Variants in SEMA3A observed in about 807,000 individuals in gnomAD.
The protein encoded by SEMA3A is semaphorin-3A.
A neutral mutation model predicts 97.9 loss-of-function variants in SEMA3A; 29 were observed. That is an observed-to-expected ratio of 0.30 (90% CI 0.22 to 0.40). The LOEUF (loss-of-function observed/expected upper bound fraction) is 0.40, where lower values mean the gene tolerates loss of function less well. SEMA3A is among the 10% of genes least tolerant of loss of function. SEMA3A has a pLI of 1.00. For missense variants in SEMA3A, 763 were observed against 951.3 expected (o/e 0.80, Z 2.60); for synonymous variants, 321 against 323.7 (o/e 0.99, Z 0.09).
intron 2 of SEMA3A, among the ~76,000 whole-genome samples, chr7:84,132,662 G>GTTT (rs55830654): frequency 0.012 from 998 of 86,626 alleles, 63 homozygotes; most frequent in Non-Finnish European, 0.015. Flanking sequence ...TCGACTTGGT[G>GTTT]TTTTTTTTTT....
chr7:84,172,127 T>C (rs1244625780), intron 1 of SEMA3A, among the ~76,000 whole-genome samples: 3 of 152,212 alleles, frequency 2.0e-5, no homozygotes, highest in Non-Finnish European at 4.4e-5. Context: ...TAGTATTAAA[T>C]AGACCTTCGC....
Position 84,076,485 on chromosome 7 carries a change from C to T in SEMA3A, c.454-15927G>A, listed in dbSNP as rs114477968. Among the ~76,000 whole-genome samples the T allele has an allele frequency of 2.0e-3, 303 of 152,162 alleles. 1 individual carries two copies. Among genetic ancestry groups the T allele is most frequent in the African/African-American group, 6.8e-3 (283 of 41,530 alleles). On this transcript the variant is annotated intron_variant, in intron 4 of 16. Coordinates refer to ENST00000265362, the MANE Select transcript of SEMA3A (RefSeq NM_006080.3). ...TTTGTACTTGATTTACTCAACTATG[C>T]TACTTTATTGATACACTTCAGACAT...
At chr7:84,062,837 G>A (rs9690948) in intron 4 of SEMA3A, among the ~76,000 whole-genome samples, 50,576 of 149,060 alleles carry the variant, frequency 0.34, 10,175 homozygotes, top group African/African-American at 0.58. Context: ...GCAGCGAGGC[G>A]GGGGGAGGGG....
intron 3 of SEMA3A, among the ~76,000 whole-genome samples, chr7:84,243,618 T>C (rs1799416787): frequency 6.6e-6 from 1 of 152,232 alleles, no homozygotes; most frequent in East Asian, 1.9e-4. Flanking sequence ...CATTGATTTT[T>C]TTTGTGAAGG....
intron 4 of SEMA3A, among the ~76,000 whole-genome samples, chr7:84,100,344 G>A (rs776991283): frequency 2.8e-4 from 42 of 151,742 alleles, no homozygotes; most frequent in Non-Finnish European, 5.3e-4. Context: ...GTGCTGGAAT[G>A]TCCTTTTAAA....
rs7800625 is a variant in SEMA3A at position 84,345,582 on chromosome 7, A to G, written c.-169+26242T>C. Among the ~76,000 whole-genome samples, 455 of 152,312 alleles carry G rather than the reference A, an allele frequency of 3.0e-3. 2 individuals carry two copies. The highest frequency in any genetic ancestry group is 0.01 in the African/African-American group (423 of 41,566). ...TTCTAAATCCTTTGTCATTTTTACA[A>G]TGATCACAGCATTGTCACCAGGAGT... On this transcript the variant is annotated intron_variant, in intron 2 of 3. Transcript: ENST00000424555.
intron 2 of SEMA3A, among the ~76,000 whole-genome samples, chr7:84,321,278 G>A (rs971535414): frequency 6.6e-6 from 1 of 152,038 alleles, no homozygotes; most frequent in Non-Finnish European, 1.5e-5. Flanking sequence ...CATGAAAATT[G>A]CTCTTTATTG....
At chr7:84,447,446 C>G (rs1805446043) in intron 1 of SEMA3A, among the ~76,000 whole-genome samples, 1 of 152,144 alleles carries the variant, frequency 6.6e-6, no homozygotes, top group Admixed American at 6.5e-5. Context: ...TGTGCTTTTT[C>G]CTGGCCTTGC....
chr7:84,145,759 A>T (rs893332092), intron 1 of SEMA3A, among the ~76,000 whole-genome samples: 1 of 152,142 alleles, frequency 6.6e-6, no homozygotes, highest in Non-Finnish European at 1.5e-5. Flanking sequence ...TGTTCTTTAT[A>T]TTTAATTTCT....
rs550080572 is a variant in SEMA3A, at chr7:83,967,000, C to T, written c.1718-3653G>A. Among the ~76,000 whole-genome samples, 6 of 152,276 alleles carry T rather than the reference C, an allele frequency of 3.9e-5. 1 individual carries two copies. The Middle Eastern group carries it at 0.01, about 259-fold the overall frequency. On this transcript the variant is annotated intron_variant, in intron 15 of 16. Coordinates refer to ENST00000265362, the MANE Select transcript of SEMA3A (RefSeq NM_006080.3). ...TGCTGGGATTACAGGCATGAGCCAC[C>T]GCGCCCGGCCAAAAGTAAATTTTTA... is the stretch of plus-strand genomic sequence containing the variant.
intron 1 of SEMA3A, among the ~76,000 whole-genome samples, chr7:84,470,913 G>A (rs1584348024): frequency 6.6e-6 from 1 of 151,712 alleles, no homozygotes; most frequent in African/African-American, 2.4e-5. Flanking sequence ...TGGGTCAGAG[G>A]GAAAAATAGA....
intron 3 of SEMA3A, among the ~76,000 whole-genome samples, chr7:84,123,226 C>T (rs965315327): frequency 2.6e-5 from 4 of 152,092 alleles, no homozygotes; most frequent in African/African-American, 9.7e-5. Context: ...AGAAATGTTA[C>T]TGTGTATAAC....
intron 2 of SEMA3A, among the ~76,000 whole-genome samples, chr7:84,355,195 C>G (rs1022523130): frequency 6.6e-6 from 1 of 151,840 alleles, no homozygotes; most frequent in Admixed American, 6.6e-5. Context: ...CTTTTGAAAT[C>G]CTGAGCTCTG....
At position 84,110,672 on chromosome 7, in the gene SEMA3A, G is replaced by A. The variant is rs1795253163; in HGVS notation, c.334-83C>T. On this transcript the variant is annotated intron_variant, in intron 3 of 16. Coordinates refer to ENST00000265362, the MANE Select transcript of SEMA3A (RefSeq NM_006080.3). ...CTAGGGTGCTAGGCATGCTGGAACAGATTTGTCTTTTGTTTTCTTTCTTTT... is the reference window on the plus strand; with the variant it reads ...CTAGGGTGCTAGGCATGCTGGAACAAATTTGTCTTTTGTTTTCTTTCTTTT... 6 of 1,426,984 alleles carry A rather than the reference G, an allele frequency of 4.2e-6. No individual in the cohort carries two copies. The South Asian group carries it at 7.3e-5, about 17-fold the overall frequency. 88.4% of individuals were successfully genotyped at this position (1,426,984 alleles called of 1,614,324 possible).
At chr7:84,253,839 C>T (rs1799661023) in intron 3 of SEMA3A, among the ~76,000 whole-genome samples, 1 of 152,272 alleles carries the variant, frequency 6.6e-6, no homozygotes, top group African/African-American at 2.4e-5. Flanking sequence ...GAATGTGTAC[C>T]ATTACCAACT....
intron 3 of SEMA3A, among the ~76,000 whole-genome samples, chr7:84,295,582 C>T (rs1216806439): frequency 5.3e-5 from 8 of 151,898 alleles, no homozygotes; most frequent in Admixed American, 1.3e-4. Flanking sequence ...TCAATTCTTT[C>T]GTCCTTATAC....
At chr7:84,041,614 A>C (rs1188987986) in intron 6 of SEMA3A, among the ~76,000 whole-genome samples, 1 of 152,126 alleles carries the variant, frequency 6.6e-6, no homozygotes, top group Non-Finnish European at 1.5e-5. Context: ...ATTGCTAGCT[A>C]ATGCATACAC....
chr7:84,359,936 G>A lies in SEMA3A; in HGVS notation c.-169+11888C>T, dbSNP rs578148482. Among the ~76,000 whole-genome samples the A allele has an allele frequency of 2.0e-5, 3 of 150,928 alleles. No individual in the cohort carries two copies. In the South Asian group the frequency reaches 6.3e-4, roughly 32 times the overall value. ...CTAGTTTATTTGCGTAGAGGTGTTT[G>A]TAGTATTCTCTGATGGTAGTTTGTA... On this transcript the variant is annotated intron_variant, in intron 2 of 3. Transcript: ENST00000424555.
At chr7:84,385,817 A>G (rs954345651) in intron 1 of SEMA3A, among the ~76,000 whole-genome samples, 1 of 152,214 alleles carries the variant, frequency 6.6e-6, no homozygotes, top group African/African-American at 2.4e-5. Context: ...TTTTAGGACT[A>G]TAAAACAATT....
Sources: gnomAD v4.1 joint callset for allele counts (sites outside exome capture counted in the v4.1 genomes callset) on GRCh38, gnomAD v4.1.1 for gene constraint, MANE v1.5 for transcripts, NCBI Gene and HGNC (gene_info 2026-07-23, HGNC 2026-07-21) for gene names.